The following DAB1 variants were observed in gnomAD, a reference collection of about 807,000 sequenced individuals.
DAB1 encodes DAB adaptor protein 1, also known as disabled homolog 1.
DAB1 carries 15 observed loss-of-function variants against 64.6 expected under a neutral mutation model. That is an observed-to-expected ratio of 0.23 (90% CI 0.16 to 0.36). DAB1 has a LOEUF of 0.36. Among genes scored for constraint, DAB1 ranks in the 10% least tolerant of loss-of-function variants. The pLI is 1.00. For missense variants in DAB1, 596 were observed against 706.7 expected, an observed-to-expected ratio of 0.84 and a Z score of 1.78; for synonymous variants, 235 against 251.9, an observed-to-expected ratio of 0.93 and a Z score of 0.64.
chr1:57,400,382 G>A (rs1570451987), intron 1 of DAB1, among the ~76,000 whole-genome samples: 1 of 152,038 alleles, frequency 6.6e-6, no homozygotes, highest in Non-Finnish European at 1.5e-5. Flanking sequence ...CATAACCCAC[G>A]TGGCTTATTT....
chr1:57,740,395 A>G lies in DAB1; in HGVS notation n.552-90730T>C, dbSNP rs558395991. On this transcript the variant is annotated intron_variant and non_coding_transcript_variant, in intron 6 of 20. Coordinates refer to the DAB1 transcript ENST00000485760. ...ACTTACTATCCATGTGTTCTTGGGC[A>G]AGGTACATAAAGATACTAGACCTCA... Among the ~76,000 whole-genome samples the G allele has an allele frequency of 4.6e-5, 7 of 152,310 alleles. No homozygotes were observed. In the South Asian group the frequency reaches 1.5e-3, roughly 32 times the overall value.
chr1:57,137,698 GT>G (rs1228300898), intron 3 of DAB1, among the ~76,000 whole-genome samples: 1 of 152,162 alleles, frequency 6.6e-6, no homozygotes, highest in East Asian at 1.9e-4. Context: ...AGCAGTTATG[GT>G]TCTGGGCTTT....
chr1:58,096,519 C>T (rs537957576), intron 5 of DAB1, among the ~76,000 whole-genome samples: 1 of 152,148 alleles, frequency 6.6e-6, no homozygotes, highest in Non-Finnish European at 1.5e-5. Context: ...TTAATGAGGT[C>T]ATTAGATATT....
At chr1:57,504,998 C>A (rs1225351013) in intron 7 of DAB1, among the ~76,000 whole-genome samples, 1 of 152,108 alleles carries the variant, frequency 6.6e-6, no homozygotes, top group Admixed American at 6.5e-5. Flanking sequence ...TGATGAAATG[C>A]ACTGTGGTAC....
intron 1 of DAB1, chr1:58,534,021 C>T (rs1646478068): frequency 5.7e-6 from 5 of 871,390 alleles, no homozygotes; most frequent in East Asian, 4.8e-5. Context: ...ATATCGGTTA[C>T]ACTATTTAAA....
intron 3 of DAB1, among the ~76,000 whole-genome samples, chr1:58,486,076 C>T (rs567430475): frequency 4.6e-5 from 7 of 152,288 alleles, no homozygotes; most frequent in South Asian, 4.1e-4. Context: ...CCTTTCACTG[C>T]GTGAGGTATT....
chr1:57,878,048 T>C (rs1226675155), intron 1 of DAB1, among the ~76,000 whole-genome samples: 1 of 152,192 alleles, frequency 6.6e-6, no homozygotes, highest in Non-Finnish European at 1.5e-5. Flanking sequence ...TAAACATATG[T>C]TTGGAACAAA....
At chr1:57,914,882 C>T (rs1176903930) in intron 5 of DAB1, among the ~76,000 whole-genome samples, 3 of 152,126 alleles carry the variant, frequency 2.0e-5, no homozygotes, top group Non-Finnish European at 4.4e-5. Flanking sequence ...AGGCACCACC[C>T]CAGAATTTTC....
chr1:57,495,665 C>A (rs1644221632), intron 7 of DAB1, among the ~76,000 whole-genome samples: 3 of 152,100 alleles, frequency 2.0e-5, no homozygotes, highest in African/African-American at 7.2e-5. Flanking sequence ...AATATGTATG[C>A]CAGTGTTTAT....
At chr1:58,252,314 T>A (rs1025136838) in intron 4 of DAB1, among the ~76,000 whole-genome samples, 1 of 152,158 alleles carries the variant, frequency 6.6e-6, no homozygotes, top group Non-Finnish European at 1.5e-5. Flanking sequence ...CCTGAACCCA[T>A]CTGTCTTTTT....
intron 2 of DAB1, among the ~76,000 whole-genome samples, chr1:57,261,472 T>C (rs1670179343): frequency 1.3e-5 from 2 of 152,190 alleles, no homozygotes; most frequent in African/African-American, 4.8e-5. Context: ...TTTACTCTGC[T>C]CTCTGCTCCC....
chr1:57,859,003 C>T (rs560137155), intron 1 of DAB1, among the ~76,000 whole-genome samples: 3 of 152,148 alleles, frequency 2.0e-5, no homozygotes, highest in Admixed American at 2.0e-4. Context: ...TGCTAAGAAC[C>T]TATTTTTCCA....
chr1:57,131,507 C>A (rs1175482876), intron 4 of DAB1, among the ~76,000 whole-genome samples: 7 of 152,152 alleles, frequency 4.6e-5, no homozygotes. Context: ...ACACCAGGTC[C>A]CAGTGTGACG....
chr1:57,391,337 T>C (rs2101001647), intron 1 of DAB1, among the ~76,000 whole-genome samples: 1 of 152,316 alleles, frequency 6.6e-6, no homozygotes, highest in Middle Eastern at 3.4e-3. Context: ...ATCTATTTTG[T>C]TGCAAGGATA....
At chr1:57,642,523 T>C (rs920837911) in intron 7 of DAB1, among the ~76,000 whole-genome samples, 2 of 152,190 alleles carry the variant, frequency 1.3e-5, no homozygotes, top group Non-Finnish European at 2.9e-5. Flanking sequence ...GCTTATTATA[T>C]ATCCCCTCCC....
intron 4 of DAB1, among the ~76,000 whole-genome samples, chr1:58,233,508 G>GGTGAGGACTGCTGCT (rs1268200167): frequency 4.6e-5 from 7 of 152,142 alleles, no homozygotes; most frequent in Non-Finnish European, 8.8e-5. Context: ...GCGAGGAGCT[G>GGTGAGGACTGCTGCT]GTGAGGACTG....
chr1:57,616,967 T>C (rs1570677365), intron 7 of DAB1, among the ~76,000 whole-genome samples: 1 of 152,254 alleles, frequency 6.6e-6, no homozygotes, highest in African/African-American at 2.4e-5. Flanking sequence ...CAAAGGAATT[T>C]TGACTTGAGT....
In DAB1 at chr1:57,951,763, C is replaced by A. The variant is rs189560180; in HGVS notation, n.388-67601G>T. Among the ~76,000 whole-genome samples, 23 of 152,196 alleles carry A rather than the reference C, an allele frequency of 1.5e-4. No individual in the cohort carries two copies. In the East Asian group the frequency reaches 4.4e-3, roughly 29 times the overall value. On this transcript the variant is annotated intron_variant and non_coding_transcript_variant, in intron 5 of 20. Coordinates refer to the DAB1 transcript ENST00000485760. ...GTATCATTCCCTCCCTTTGCTGGAC[C>A]GTGGACAATGGCAAAGGTGGTGGGG...
intron 6 of DAB1, among the ~76,000 whole-genome samples, chr1:57,754,723 A>G (rs745559463): frequency 1.5e-4 from 23 of 152,088 alleles, no homozygotes; most frequent in Non-Finnish European, 3.1e-4. Flanking sequence ...ACAAACAAAC[A>G]AACGAACAAA....
Sources: gnomAD v4.1 joint callset for allele counts (sites outside exome capture counted in the v4.1 genomes callset) on GRCh38, gnomAD v4.1.1 for gene constraint, MANE v1.5 for transcripts, NCBI Gene and HGNC (gene_info 2026-07-23, HGNC 2026-07-21) for gene names.